SH3PXD2B: variants seen among roughly 807,000 people sequenced by gnomAD.
The protein encoded by SH3PXD2B is SH3 and PX domain-containing protein 2B.
A neutral mutation model predicts 73.1 loss-of-function variants in SH3PXD2B; 37 were observed. That is an observed-to-expected ratio of 0.51 (90% CI 0.39 to 0.67). SH3PXD2B has a LOEUF of 0.67. Among genes scored for constraint, SH3PXD2B ranks in the 30% least tolerant of loss-of-function variants. The probability of loss-of-function intolerance (pLI) is 0.00; values close to 1 mark genes in which losing one functional copy is unlikely to be tolerated. For synonymous variants in SH3PXD2B, 457 were observed against 480.5 expected, an observed-to-expected ratio of 0.95 and a Z score of 0.64; for missense variants, 1,053 against 1,197.8, an observed-to-expected ratio of 0.88 and a Z score of 1.78.
At chr5:172,386,374 T>C (rs1472139971) in intron 4 of SH3PXD2B, among the ~76,000 whole-genome samples, 1 of 152,188 alleles carries the variant, frequency 6.6e-6, no homozygotes, top group Admixed American at 6.5e-5. Flanking sequence ...CAGATGATTA[T>C]GTTAAATGAC....
At chr5:172,364,686 C>CA (rs144791219) in intron 6 of SH3PXD2B, among the ~76,000 whole-genome samples, 6,365 of 151,950 alleles carry the variant, frequency 0.042, 213 homozygotes, top group South Asian at 0.2. Flanking sequence ...CCAAAAAAAC[C>CA]AAAAAAACCA....
chr5:172,380,347 G>T (rs1176675144), intron 5 of SH3PXD2B, among the ~76,000 whole-genome samples: 1 of 152,114 alleles, frequency 6.6e-6, no homozygotes, highest in Non-Finnish European at 1.5e-5. Flanking sequence ...AGGCGTGAGG[G>T]AATGACAGTT....
intron 2 of SH3PXD2B, among the ~76,000 whole-genome samples, chr5:172,407,437 A>G (rs915504050): frequency 6.6e-5 from 10 of 152,230 alleles, no homozygotes; most frequent in Non-Finnish European, 1.3e-4. Context: ...GATGAGGTCC[A>G]AAGACCCCAG....
chr5:172,326,887 C>G (rs1283139496), intron 12 of SH3PXD2B, among the ~76,000 whole-genome samples: 1 of 140,398 alleles, frequency 7.1e-6, no homozygotes, highest in Non-Finnish European at 1.5e-5. Flanking sequence ...GACAGAGTCT[C>G]ACTCTGTCGC....
intron 4 of SH3PXD2B, among the ~76,000 whole-genome samples, chr5:172,392,201 C>T (rs1758206524): frequency 6.6e-6 from 1 of 151,998 alleles, no homozygotes; most frequent in Non-Finnish European, 1.5e-5. Flanking sequence ...AATGAAGTCA[C>T]TAGGGATGTG....
chr5:172,454,139 C>A (rs1488222868), intron 1 of SH3PXD2B, 139 bp downstream of exon 1: 3 of 563,452 alleles, frequency 5.3e-6, no homozygotes, highest in Non-Finnish European at 8.5e-6. Context: ...ACCCGGGCAG[C>A]GCCGCCGCAG....
At position 172,421,807 on chromosome 5, in the gene SH3PXD2B, C is replaced by T. The variant is rs1758968326; in HGVS notation, c.156+609G>A. Among the ~76,000 whole-genome samples, 1 of 152,206 alleles carries T rather than the reference C, an allele frequency of 6.6e-6. No individual in the cohort carries two copies. The highest frequency in any genetic ancestry group is 1.5e-5 in the Non-Finnish European group (1 of 68,040). On this transcript the variant is annotated intron_variant, in intron 2 of 12. Transcript: ENST00000311601. The surrounding 1 kb of genome is among the most constrained non-coding windows in gnomAD (Gnocchi z 4.0). ...CTAGACACACTCAACAAACCCAGCT[C>T]ACCAGCAAACACGATTATTGTTTAA... is the stretch of plus-strand genomic sequence containing the variant.
At chr5:172,368,971 T>C (rs1345224291) in intron 6 of SH3PXD2B, among the ~76,000 whole-genome samples, 1 of 149,166 alleles carries the variant, frequency 6.7e-6, no homozygotes, top group Non-Finnish European at 1.5e-5. Flanking sequence ...CTCGGTTCAC[T>C]GCAACCACTG....
intron 4 of SH3PXD2B, among the ~76,000 whole-genome samples, chr5:172,394,351 C>A (rs1758248690): frequency 6.6e-6 from 1 of 152,152 alleles, no homozygotes; most frequent in African/African-American, 2.4e-5. Flanking sequence ...TTAAGAAATG[C>A]ACATAAAGAA....
At chr5:172,368,660 TA>T (rs1347466101) in intron 6 of SH3PXD2B, among the ~76,000 whole-genome samples, 1 of 26,690 alleles carries the variant, frequency 3.7e-5, no homozygotes. Context: ...AAAATATATA[TA>T]TTATATATAT....
chr5:172,413,074 T>C (rs764070024), intron 2 of SH3PXD2B, among the ~76,000 whole-genome samples: 2 of 152,322 alleles, frequency 1.3e-5, no homozygotes, highest in East Asian at 1.9e-4. Context: ...GCAGCAGCCA[T>C]TGAGGCTGGA....
At chr5:172,351,025 G>A (rs1163379174) in intron 9 of SH3PXD2B, among the ~76,000 whole-genome samples, 1 of 152,234 alleles carries the variant, frequency 6.6e-6, no homozygotes, top group Non-Finnish European at 1.5e-5. Flanking sequence ...CTCGCCAAGT[G>A]GCAGCTGGCC....
At chr5:172,346,347 T>A in intron 11 of SH3PXD2B, 86 bp from the exon 12 acceptor site, 2 of 1,598,712 alleles carry the variant, frequency 1.3e-6, no homozygotes, top group Admixed American at 1.7e-5. Flanking sequence ...GCCTGGGGCA[T>A]GCAATCACCC....
intron 4 of SH3PXD2B, among the ~76,000 whole-genome samples, chr5:172,393,441 A>C (rs1271908988): frequency 1.3e-5 from 2 of 152,010 alleles, no homozygotes; most frequent in African/African-American, 4.8e-5. Flanking sequence ...TTGTCCTAAT[A>C]TTTTTTTGAT....
chr5:172,329,953 A>G (rs570825357), downstream of SH3PXD2B, among the ~76,000 whole-genome samples: 4 of 152,254 alleles, frequency 2.6e-5, no homozygotes, highest in African/African-American at 7.2e-5. Flanking sequence ...GAGATAGAAA[A>G]ATTCCCTGCC....
intron 1 of SH3PXD2B, among the ~76,000 whole-genome samples, chr5:172,430,922 A>T (rs1022090914): frequency 2.6e-5 from 4 of 151,618 alleles, no homozygotes; most frequent in Non-Finnish European, 4.4e-5. Flanking sequence ...GCTGGAGTGC[A>T]GTGGTGCGAT....
intron 2 of SH3PXD2B, among the ~76,000 whole-genome samples, chr5:172,419,715 C>T (rs1394193918): frequency 6.6e-6 from 1 of 152,180 alleles, no homozygotes; most frequent in Admixed American, 6.5e-5. Flanking sequence ...AACCCCACCC[C>T]TCTCTTCGTG....
At chr5:172,371,156 C>G (rs1316835537) in intron 6 of SH3PXD2B, among the ~76,000 whole-genome samples, 2 of 152,140 alleles carry the variant, frequency 1.3e-5, no homozygotes, top group Non-Finnish European at 2.9e-5. Context: ...GATGACATGT[C>G]TTGAATTTTT....
At chr5:172,368,442 G>A (rs1757574245) in intron 6 of SH3PXD2B, among the ~76,000 whole-genome samples, 1 of 96,436 alleles carries the variant, frequency 1.0e-5, no homozygotes, top group African/African-American at 3.7e-5. Flanking sequence ...TGCAAGGGGA[G>A]CTAAGAATGC....
Sources: allele counts gnomAD v4.1 joint callset (sites outside exome capture counted in the v4.1 genomes callset), GRCh38; gene constraint gnomAD v4.1.1; non-coding constraint Gnocchi (gnomAD v3.1); transcripts MANE v1.5; gene names NCBI Gene and HGNC (gene_info 2026-07-23, HGNC 2026-07-21).